FGD2: variants seen among roughly 807,000 people sequenced by gnomAD.
The protein encoded by FGD2 is FYVE, RhoGEF and PH domain-containing protein 2.
Under a neutral mutation model 75.9 loss-of-function variants are expected in FGD2, and 52 were observed. The ratio of observed to expected loss-of-function variants is 0.69; its 90% CI spans 0.55 to 0.86. The LOEUF is 0.86. Ranked by LOEUF, FGD2 falls within the 40% of genes least tolerant of loss-of-function variation. The probability of loss-of-function intolerance (pLI) is 0.00; values close to 1 mark genes in which losing one functional copy is unlikely to be tolerated. For missense variants in FGD2, 790 were observed against 872.0 expected, an observed-to-expected ratio of 0.91 and a Z score of 1.18; for synonymous variants, 347 against 348.6, an observed-to-expected ratio of 1.00 and a Z score of 0.05.
intron 13 of FGD2, chr6:37,023,532 C>A (rs1312263099): frequency 6.6e-6 from 1 of 152,198 alleles, no homozygotes; most frequent in African/African-American, 2.4e-5. Context: ...GACATCACAA[C>A]CCCCTCTGTT....
chr6:37,011,785 A>G lies in FGD2; in HGVS notation c.458A>G (p.Asn153Ser). The G allele has an allele frequency of 6.2e-7, 1 of 1,614,130 alleles. No homozygotes were observed. The highest frequency in any genetic ancestry group is 8.5e-7 in the Non-Finnish European group (1 of 1,180,006). ...GATGTGGTCAGGGTCATCTTCTCCA[A>G]CATCTCCTCCATCTATCAGTTCCAT... The part of the protein sequence containing the change: ...PEDVVRVIFS[N>S]ISSIYQFHSQ... Residue 153 changes from asparagine (N) to serine (S), a missense_variant, in exon 4 of 16, where the codon AAC becomes AGC. Physicochemically the swap from Asn to Ser is conservative, Grantham distance 46. Coordinates refer to ENST00000274963, the MANE Select transcript of FGD2 (RefSeq NM_173558.4).
At position 37,027,445 on chromosome 6, in the gene FGD2, C is replaced by T. The variant is rs145864024; in HGVS notation, c.1622C>T (p.Thr541Met). Residue 541 changes from threonine (T) to methionine (M), a missense_variant, in exon 15 of 16, where the codon ACG (threonine) becomes ATG (methionine). Coordinates refer to ENST00000274963, the MANE Select transcript of FGD2 (RefSeq NM_173558.4). ...RGILEKGSSA[T>M]PDQSLMCSFL... ...TGGTTTTAGAAAGGGTCCTCAGCCA[C>T]GCCTGACCAGAGCCTGATGTGCAGC... 1.2e-4 allele frequency: 189 copies of T among 1,611,596 alleles called. 1 individual carries two copies. Among genetic ancestry groups the T allele is most frequent in the Non-Finnish European group, 1.5e-4 (172 of 1,178,120 alleles).
chr6:37,015,007 G>A lies in FGD2; in HGVS notation c.998G>A (p.Arg333His), dbSNP rs147265209. 8.1e-6 allele frequency: 13 copies of A among 1,614,036 alleles called. No individual in the cohort carries two copies. The highest frequency in any genetic ancestry group is 6.7e-5 in the East Asian group (3 of 44,876). Residue 333 changes from arginine (R) to histidine (H), a missense_variant, in exon 8 of 16, where the codon CGC becomes CAC. Transcript: ENST00000274963. The part of the protein sequence containing the change: ...EGPVLKISFR[R>H]NDPMERYLFL... ...CCGGTCCTCAAGATCTCCTTCCGCC[G>A]CAACGACCCCATGGAGCGCTACCTT...
chr6:37,021,404 C>T, intron 11 of FGD2, 108 bp from the exon 12 acceptor site: 1 of 927,376 alleles, frequency 1.1e-6, no homozygotes, highest in African/African-American at 1.7e-5. Flanking sequence ...GCGCCTGGTA[C>T]CCAGTGGGCT....
At chr6:37,022,645 C>T in intron 13 of FGD2, 1 of 387,510 alleles carries the variant, frequency 2.6e-6, no homozygotes. Context: ...ACCTTGGCCT[C>T]TACCTGTCCC....
intron 8 of FGD2, 45 bp downstream of exon 8, chr6:37,015,083 C>A: frequency 6.3e-7 from 1 of 1,591,796 alleles, no homozygotes; most frequent in Non-Finnish European, 8.5e-7. Context: ...GGAGGGAAGT[C>A]CATGGGCCAC....
chr6:37,012,962 CTG>C (rs60644967), intron 4 of FGD2: 1,461 of 125,912 alleles, frequency 0.012, 52 homozygotes, highest in African/African-American at 0.037. Context: ...TGGAAAAGTT[CTG>C]TGTGTGTGTG....
At chr6:37,022,465 C>T in intron 13 of FGD2, 95 bp downstream of exon 13, 1 of 1,454,182 alleles carries the variant, frequency 6.9e-7, no homozygotes, top group Non-Finnish European at 9.0e-7. Flanking sequence ...TAGGCCTCCG[C>T]TTGATCCACC....
chr6:37,021,630 G>T (rs767442252), intron 12 of FGD2, 26 bp downstream of exon 12: 2 of 1,597,942 alleles, frequency 1.3e-6, no homozygotes, highest in Admixed American at 3.4e-5. Context: ...TTCATCCCTT[G>T]CTGGAGCCAC....
chr6:37,006,033 G>T, intron 1 of FGD2, 148 bp downstream of exon 1: 1 of 901,798 alleles, frequency 1.1e-6, no homozygotes, highest in Non-Finnish European at 1.7e-6. Context: ...CTTGGAGCAT[G>T]GGAGAGTGTC....
intron 4 of FGD2, 96 bp from the exon 5 acceptor site, chr6:37,013,513 G>C: frequency 6.6e-7 from 1 of 1,522,332 alleles, no homozygotes; most frequent in Non-Finnish European, 8.8e-7. Flanking sequence ...TGGAAAGTTT[G>C]CTTTGGGGGA....
Position 37,028,254 on chromosome 6 carries a change from C to T in FGD2, c.*91C>T. On this transcript the variant is annotated 3_prime_UTR_variant, in exon 16 of 16. Transcript: ENST00000274963. ...CCCTGTGGCCTCAGTGACCCACTGC[C>T]CCAAGTGGTGCTTTCAGAGAATTGA... is the stretch of plus-strand genomic sequence containing the variant. 8.0e-7 allele frequency: 1 copy of T among 1,248,040 alleles called. No homozygotes were observed. The highest frequency in any genetic ancestry group is 1.6e-5 in the South Asian group (1 of 62,858). The allele number at this position is 1,248,040 out of a possible 1,614,324, so 77.3% of individuals were successfully genotyped here.
intron 9 of FGD2, among the ~76,000 whole-genome samples, chr6:37,019,318 G>T (rs756992209): frequency 6.6e-6 from 1 of 152,114 alleles, no homozygotes; most frequent in Non-Finnish European, 1.5e-5. Context: ...CCACATGACC[G>T]CCTCCTCATT....
Position 37,005,947 on chromosome 6 carries a change from T to C in FGD2, c.68+62T>C, listed in dbSNP as rs1019487170. The C allele has an allele frequency of 1.9e-6, 3 of 1,578,550 alleles. No homozygotes were observed. In the African/African-American group the frequency reaches 4.0e-5, roughly 21 times the overall value. ...GCTGGCAGCCACCCTCCAGCCTTTCTGGCAGCTCTCTCCCTGGGCCCTGCC... is the reference window on the plus strand; with the variant it reads ...GCTGGCAGCCACCCTCCAGCCTTTCCGGCAGCTCTCTCCCTGGGCCCTGCC... On this transcript the variant is annotated intron_variant, in intron 1 of 15. Coordinates refer to ENST00000274963, the MANE Select transcript of FGD2 (RefSeq NM_173558.4).
intron 9 of FGD2, among the ~76,000 whole-genome samples, chr6:37,016,076 G>T (rs1022812438): frequency 2.6e-5 from 4 of 152,140 alleles, no homozygotes; most frequent in African/African-American, 9.7e-5. Flanking sequence ...CCCTCCCTTC[G>T]CGGCAGTGCA....
intron 9 of FGD2, among the ~76,000 whole-genome samples, chr6:37,017,132 C>T (rs1191086603): frequency 6.6e-6 from 1 of 151,852 alleles, no homozygotes; most frequent in East Asian, 1.9e-4. Flanking sequence ...ACTGCAAATG[C>T]TGGAGACTGA....
chr6:37,012,637 G>A (rs557974319), intron 4 of FGD2, among the ~76,000 whole-genome samples: 25 of 151,330 alleles, frequency 1.7e-4, no homozygotes, highest in African/African-American at 5.6e-4. Flanking sequence ...GCTGGAGCCC[G>A]GAAAGTCGAG....
Position 37,009,073 on chromosome 6 carries a change from A to T in FGD2, c.300+8A>T, listed in dbSNP as rs1332552793. ...TCAGGATCGGGGACGCAGGTGCCTGAGGGCTGAGGTAGAGGTGTGGGGTGC... is the reference window on the plus strand; with the variant it reads ...TCAGGATCGGGGACGCAGGTGCCTGTGGGCTGAGGTAGAGGTGTGGGGTGC... On this transcript the variant is annotated splice_region_variant and intron_variant, in intron 2 of 15. Coordinates refer to ENST00000274963, the MANE Select transcript of FGD2 (RefSeq NM_173558.4). 1 of 1,613,082 alleles carries T rather than the reference A, an allele frequency of 6.2e-7. No individual in the cohort carries two copies. Among genetic ancestry groups the T allele is most frequent in the Non-Finnish European group, 8.5e-7 (1 of 1,179,526 alleles).
At chr6:37,016,550 T>C (rs1765307210) in intron 9 of FGD2, among the ~76,000 whole-genome samples, 1 of 151,092 alleles carries the variant, frequency 6.6e-6, no homozygotes, top group Non-Finnish European at 1.5e-5. Context: ...TTTTTTTTTT[T>C]TGAGACCGAG....
Sources: allele counts gnomAD v4.1 joint callset (sites outside exome capture counted in the v4.1 genomes callset), GRCh38; gene constraint gnomAD v4.1.1; transcripts MANE v1.5; gene names NCBI Gene and HGNC (gene_info 2026-07-23, HGNC 2026-07-21).